Variants in NDUFA10 observed in about 807,000 individuals in gnomAD.
The protein encoded by NDUFA10 is NADH dehydrogenase [ubiquinone] 1 alpha subcomplex subunit 10, mitochondrial.
NDUFA10 carries 40 observed loss-of-function variants against 47.8 expected under a neutral mutation model. The observed-to-expected ratio is 0.84, with a 90% CI of 0.65 to 1.09. The LOEUF (loss-of-function observed/expected upper bound fraction) is 1.09, where lower values mean the gene tolerates loss of function less well. Among genes scored for constraint, NDUFA10 ranks in the 50% least tolerant of loss-of-function variants. The pLI, the probability that NDUFA10 is intolerant of heterozygous loss-of-function variation, is 0.00. For missense variants in NDUFA10, 413 were observed against 451.1 expected (o/e 0.92, Z 0.76); for synonymous variants, 183 against 172.2 (o/e 1.06, Z -0.49).
rs1225240779 is a variant in NDUFA10, at chr2:240,014,721, G to C, written c.669+18C>G. Reference sequence around the variant, plus strand: ...TTCAAAATAGAGATGCTTGGCCTTTGATTGAAAACTGCATTACATCTCCTT... The same window carrying C: ...TTCAAAATAGAGATGCTTGGCCTTTCATTGAAAACTGCATTACATCTCCTT... On this transcript the variant is annotated intron_variant, in intron 5 of 9. Transcript: ENST00000252711. The C allele has an allele frequency of 1.9e-6, 3 of 1,614,036 alleles. No individual in the cohort carries two copies. The African/African-American group carries it at 4.0e-5, about 22-fold the overall frequency.
At position 240,021,378 on chromosome 2, in the gene NDUFA10, A is replaced by G. The variant is rs758211061; in HGVS notation, c.279T>C (p.Tyr93=). 12 of 1,614,098 alleles carry G rather than the reference A, an allele frequency of 7.4e-6. No individual in the cohort carries two copies. Among genetic ancestry groups the G allele is most frequent in the African/African-American group, 1.3e-5 (1 of 74,936 alleles). The change falls in exon 3 of 10, where the codon TAT becomes TAC. Residue 93 remains tyrosine, a synonymous_variant. Transcript: ENST00000252711. ...TCCCATCTCCTGTGGTACTGTCTGG[A>G]TAATGAATCCCCGCTTCAGGAAAGT... ...FKHFPEAGIH[Y]PDSTTGDGKP... is the part of the protein sequence containing the mutation.
intron 4 of NDUFA10, among the ~76,000 whole-genome samples, chr2:239,920,025 C>A (rs1693941935): frequency 6.6e-6 from 1 of 152,202 alleles, no homozygotes. Context: ...GGCCCCCTCA[C>A]CCTGCTCCCA....
intron 4 of NDUFA10, among the ~76,000 whole-genome samples, chr2:239,904,635 G>C (rs1216480550): frequency 6.6e-6 from 1 of 152,206 alleles, no homozygotes; most frequent in East Asian, 1.9e-4. Context: ...AGAGACTGCA[G>C]GCCCTGCCCT....
In NDUFA10 at chr2:240,019,596, A is replaced by G. The variant is rs1157815296; in HGVS notation, c.461-957T>C. Among the ~76,000 whole-genome samples the G allele has an allele frequency of 1.1e-3, 32 of 27,972 alleles. 10 individuals are homozygous for G. The highest frequency in any genetic ancestry group is 1.9e-3 in the South Asian group (3 of 1,544). The allele number at this position is 27,972 out of a possible 152,430, so 18.4% of individuals were successfully genotyped here. A position where few individuals can be genotyped will look rare whatever the true frequency, so the allele number is the denominator to read the frequency against. On this transcript the variant is annotated intron_variant, in intron 3 of 9. Transcript: ENST00000252711. ...CACTTTGGGAGGCCGAGGCGGGCGG[A>G]TCACGAGGTCAGGAGATCGAGACCA...
chr2:239,895,180 C>A, intron 5 of NDUFA10: 1 of 430,154 alleles, frequency 2.3e-6, no homozygotes, highest in Non-Finnish European at 4.9e-6. Flanking sequence ...GGATGCCTGC[C>A]AGGCCTCTGC....
rs140901415 is a variant in NDUFA10 at position 239,982,024 on chromosome 2, C to A, written c.999+8050G>T. Reference sequence around the variant, plus strand: ...GCTCCAGGAAATAACCGGCTGCCAACTACCTTCTGCTCTAATAGTCACACG... The same window carrying A: ...GCTCCAGGAAATAACCGGCTGCCAAATACCTTCTGCTCTAATAGTCACACG... On this transcript the variant is annotated intron_variant, in intron 9 of 9. Transcript: ENST00000252711. 6.4e-3 allele frequency: 9,791 copies of A among 1,532,890 alleles called. 61 individuals are homozygous for A. The highest frequency in any genetic ancestry group is 0.022 in the Middle Eastern group (129 of 5,744). 95.0% of individuals were successfully genotyped at this position (1,532,890 alleles called of 1,614,324 possible).
intron 9 of NDUFA10, among the ~76,000 whole-genome samples, chr2:239,989,579 C>T (rs1474723663): frequency 6.6e-6 from 1 of 152,238 alleles, no homozygotes; most frequent in East Asian, 1.9e-4. Flanking sequence ...GAACAAATAA[C>T]TCACTAAGAA....
At chr2:239,900,315 CATATATATATATATATATATATATATA>C in intron 4 of NDUFA10, among the ~76,000 whole-genome samples, 1 of 142,736 alleles carries the variant, frequency 7.0e-6, no homozygotes, top group African/African-American at 2.6e-5. Context: ...AACTCCCCTT[CATATATATATATATATATATATATATA>C]TATATATATA....
chr2:239,908,453 G>T (rs1050599478), intron 4 of NDUFA10, among the ~76,000 whole-genome samples: 4 of 152,030 alleles, frequency 2.6e-5, no homozygotes, highest in African/African-American at 9.7e-5. Flanking sequence ...CTGCCCCTGG[G>T]CACGGTGCTC....
chr2:239,997,128 G>A (rs1409380928), intron 8 of NDUFA10, among the ~76,000 whole-genome samples: 3 of 151,680 alleles, frequency 2.0e-5, no homozygotes, highest in Non-Finnish European at 4.4e-5. Flanking sequence ...CAAGGATGCG[G>A]AACCCAGGGA....
chr2:239,916,991 C>A (rs1693891084), intron 4 of NDUFA10, among the ~76,000 whole-genome samples: 1 of 152,240 alleles, frequency 6.6e-6, no homozygotes, highest in South Asian at 2.1e-4. Flanking sequence ...ACACTGTGGA[C>A]ATAACACTTG....
chr2:239,901,577 T>C (rs1693550952), intron 4 of NDUFA10, among the ~76,000 whole-genome samples: 1 of 151,964 alleles, frequency 6.6e-6, no homozygotes, highest in South Asian at 2.1e-4. Context: ...CAGCTGCTAA[T>C]ACAACATCCA....
intron 8 of NDUFA10, among the ~76,000 whole-genome samples, chr2:239,991,196 T>C (rs1171838421): frequency 6.6e-6 from 1 of 152,140 alleles, no homozygotes; most frequent in African/African-American, 2.4e-5. Context: ...CCATGAATCA[T>C]GCTTCCACAG....
intron 9 of NDUFA10, among the ~76,000 whole-genome samples, chr2:239,967,484 T>C (rs1388902204): frequency 6.6e-6 from 1 of 152,226 alleles, no homozygotes; most frequent in Non-Finnish European, 1.5e-5. Flanking sequence ...CTTTACTCTC[T>C]GGCTCTTTAA....
chr2:240,018,698 C>A, intron 3 of NDUFA10, 59 bp from the exon 4 acceptor site: 1 of 1,510,196 alleles, frequency 6.6e-7, no homozygotes, highest in Non-Finnish European at 9.2e-7. Flanking sequence ...GCACTGTCAA[C>A]TGATCACTGC....
intron 9 of NDUFA10, chr2:239,969,632 G>C (rs966790240): frequency 1.2e-4 from 58 of 471,000 alleles, no homozygotes; most frequent in African/African-American, 1.1e-3. Context: ...CCTGTCTCTT[G>C]TCACAGTCCC....
chr2:239,956,870 C>A (rs987261744), downstream of NDUFA10, among the ~76,000 whole-genome samples: 1 of 152,212 alleles, frequency 6.6e-6, no homozygotes, highest in Non-Finnish European at 1.5e-5. Flanking sequence ...CCTGCCCCAG[C>A]CAGCTCAGCT....
At chr2:239,974,476 A>C (rs1312381377) in intron 9 of NDUFA10, among the ~76,000 whole-genome samples, 2 of 152,268 alleles carry the variant, frequency 1.3e-5, no homozygotes, top group African/African-American at 4.8e-5. Context: ...CCATGTCACC[A>C]GCATGTTCAT....
At chr2:239,974,224 CA>C (rs1366427197) in intron 9 of NDUFA10, among the ~76,000 whole-genome samples, 1 of 152,186 alleles carries the variant, frequency 6.6e-6, no homozygotes, top group Non-Finnish European at 1.5e-5. Flanking sequence ...CCACTGCACC[CA>C]ATGAAAACGC....
Sources: gnomAD v4.1 joint callset for allele counts (sites outside exome capture counted in the v4.1 genomes callset) on GRCh38, gnomAD v4.1.1 for gene constraint, MANE v1.5 for transcripts, NCBI Gene and HGNC (gene_info 2026-07-23, HGNC 2026-07-21) for gene names.